EPHA5: variants seen among roughly 807,000 people sequenced by gnomAD.
The protein encoded by EPHA5 is ephrin type-A receptor 5.
In EPHA5, 60 loss-of-function variants were observed where a neutral mutation model predicts 105.0. That is an observed-to-expected ratio of 0.57 (90% CI 0.46 to 0.71). The LOEUF is 0.71. Ranked by LOEUF, EPHA5 falls within the 30% of genes least tolerant of loss-of-function variation. The pLI, the probability that EPHA5 is intolerant of heterozygous loss-of-function variation, is 0.00. For synonymous variants in EPHA5, 513 were observed against 449.1 expected, an observed-to-expected ratio of 1.14 and a Z score of -1.80; for missense variants, 1,218 against 1,274.7, an observed-to-expected ratio of 0.96 and a Z score of 0.68.
chr4:65,660,416 G>A (rs1481840723), intron 1 of EPHA5, among the ~76,000 whole-genome samples: 1 of 152,086 alleles, frequency 6.6e-6, no homozygotes, highest in Non-Finnish European at 1.5e-5. Flanking sequence ...TGTTTTCCAA[G>A]CCTAGATTCC....
In EPHA5 at chr4:65,487,492, C is replaced by T. The variant is rs779760397; in HGVS notation, c.1402+2885G>A. 3.9e-5 allele frequency among the ~76,000 whole-genome samples: 6 copies of T among 152,252 alleles called. No individual in the cohort carries two copies. The South Asian group carries it at 8.3e-4, about 21-fold the overall frequency. On this transcript the variant is annotated intron_variant, in intron 5 of 16. Transcript: ENST00000613740. ...AGAATCCACAGGATTCCTAACCTCC[C>T]CAATGGCTCCCATGGCTAACATTAT...
chr4:65,632,940 A>C (rs1042715639), intron 2 of EPHA5, among the ~76,000 whole-genome samples: 1 of 152,006 alleles, frequency 6.6e-6, no homozygotes, highest in African/African-American at 2.4e-5. Context: ...CAGAAGTAGA[A>C]ATTTATATGA....
At chr4:65,641,234 TAG>T (rs1747635456) in intron 2 of EPHA5, among the ~76,000 whole-genome samples, 2 of 152,104 alleles carry the variant, frequency 1.3e-5, no homozygotes, top group South Asian at 2.1e-4. Context: ...ACCTCAGAGC[TAG>T]AGAGGCAGAA....
Position 65,669,732 on chromosome 4 carries a change from G to C in EPHA5, c.11C>G (p.Ser4Trp), listed in dbSNP as rs1750301372. 2 of 1,262,886 alleles carry C rather than the reference G, an allele frequency of 1.6e-6. No homozygotes were observed. Among genetic ancestry groups the C allele is most frequent in the Admixed American group, 8.3e-5 (2 of 24,142 alleles). The allele number at this position is 1,262,886 out of a possible 1,614,324, so 78.2% of individuals were successfully genotyped here. Residue 4 changes from serine (S) to tryptophan (W), a missense_variant, in exon 1 of 17, where the codon TCG (serine) becomes TGG (tryptophan). Physicochemically the swap from Ser to Trp is radical, Grantham distance 177 (BLOSUM62 -3). Transcript: ENST00000613740. MRG[S>W]GPRGAGRRRP... ...CCGGCGTCCCGCACCCCGGGGCCCC[G>C]AGCCCCGCATCTTCTCCGAGCCTCC...
chr4:65,648,736 G>A (rs766325909), intron 1 of EPHA5, among the ~76,000 whole-genome samples: 71 of 152,134 alleles, frequency 4.7e-4, no homozygotes, highest in Non-Finnish European at 8.2e-4. Context: ...AACAATATCA[G>A]AAAAGCTACT....
At chr4:65,527,989 G>T (rs1023426668) in intron 3 of EPHA5, among the ~76,000 whole-genome samples, 1 of 151,816 alleles carries the variant, frequency 6.6e-6, no homozygotes, top group Non-Finnish European at 1.5e-5. Context: ...TAAACATTTT[G>T]GTTAAATAAA....
Position 65,420,472 on chromosome 4 carries a change from A to G in EPHA5, c.1496T>C (p.Ile499Thr), listed in dbSNP as rs1406144425. ...WQEPDRPNGIILEYEIKYFEK... is the reference protein window; with the variant it reads ...WQEPDRPNGITLEYEIKYFEK... ...AAAATACTTGATTTCATACTCTAGG[A>G]TGATTCCATTGGGACGATCTGGTTC... The change falls in exon 6 of 17, where the codon ATC becomes ACC. Residue 499 changes from isoleucine to threonine, a missense_variant. Around this residue, in one of 3 missense-constraint regions of EPHA5, gnomAD observed 971 missense variants for 1,013.5 expected, o/e 0.96. Coordinates refer to ENST00000613740, the MANE Select transcript of EPHA5 (RefSeq NM_001281766.3). The G allele has an allele frequency of 2.5e-6, 4 of 1,611,168 alleles. No homozygotes were observed. The highest frequency in any genetic ancestry group is 2.5e-6 in the Non-Finnish European group (3 of 1,178,670).
At chr4:65,516,286 C>A (rs1270849601) in intron 3 of EPHA5, among the ~76,000 whole-genome samples, 1 of 152,094 alleles carries the variant, frequency 6.6e-6, no homozygotes, top group African/African-American at 2.4e-5. Context: ...ATACTCGATT[C>A]TTACAGTAGC....
At chr4:65,394,358 G>T (rs1384209167) in intron 8 of EPHA5, among the ~76,000 whole-genome samples, 1 of 152,156 alleles carries the variant, frequency 6.6e-6, no homozygotes, top group East Asian at 1.9e-4. Flanking sequence ...ATCCTAAAGA[G>T]CAAAGGCCCT....
At chr4:65,430,142 C>G (rs1467355907) in intron 5 of EPHA5, among the ~76,000 whole-genome samples, 1 of 151,972 alleles carries the variant, frequency 6.6e-6, no homozygotes, top group Non-Finnish European at 1.5e-5. Context: ...TGGGAAATAT[C>G]TGCTGCTCAA....
At chr4:65,536,075 G>A (rs1736253364) in intron 3 of EPHA5, among the ~76,000 whole-genome samples, 1 of 151,870 alleles carries the variant, frequency 6.6e-6, no homozygotes, top group African/African-American at 2.4e-5. Flanking sequence ...TTACCTTCAT[G>A]TTTTTAACAT....
At chr4:65,363,239 A>C (rs1013331940) in intron 11 of EPHA5, among the ~76,000 whole-genome samples, 3 of 151,616 alleles carry the variant, frequency 2.0e-5, no homozygotes, top group African/African-American at 7.3e-5. Context: ...ATAAGTACTT[A>C]CTTTGTGCCT....
intron 3 of EPHA5, among the ~76,000 whole-genome samples, chr4:65,559,868 T>C (rs770155599): frequency 6.6e-6 from 1 of 152,280 alleles, no homozygotes; most frequent in East Asian, 1.9e-4. Flanking sequence ...GAATAAAATG[T>C]CTCGATTACT....
intron 2 of EPHA5, among the ~76,000 whole-genome samples, chr4:65,605,426 A>G (rs1007017389): frequency 6.6e-6 from 1 of 152,054 alleles, no homozygotes; most frequent in Non-Finnish European, 1.5e-5. Context: ...CCTTGTTGGC[A>G]TTGCTCTCCT....
chr4:65,393,819 T>C (rs1457758114), intron 8 of EPHA5, among the ~76,000 whole-genome samples: 2 of 152,124 alleles, frequency 1.3e-5, no homozygotes, highest in African/African-American at 4.8e-5. Context: ...GACAACAACA[T>C]ATAGTGATAA....
chr4:65,638,155 T>C (rs760003656), intron 2 of EPHA5, among the ~76,000 whole-genome samples: 3 of 152,210 alleles, frequency 2.0e-5, no homozygotes, highest in Non-Finnish European at 4.4e-5. Context: ...GTACTTTTAA[T>C]TGAATATTCA....
chr4:65,659,986 A>G (rs1435907569), intron 1 of EPHA5, among the ~76,000 whole-genome samples: 1 of 152,128 alleles, frequency 6.6e-6, no homozygotes, highest in Non-Finnish European at 1.5e-5. Context: ...AATTCTTCCA[A>G]CTGTCCACTT....
intron 3 of EPHA5, among the ~76,000 whole-genome samples, chr4:65,500,586 G>A (rs1359690408): frequency 5.4e-5 from 8 of 147,056 alleles, no homozygotes; most frequent in Non-Finnish European, 7.5e-5. Context: ...TCGATTTTTC[G>A]CCATATTTTC....
chr4:65,401,908 A>T (rs34003930), intron 8 of EPHA5, among the ~76,000 whole-genome samples: 41,823 of 121,700 alleles, frequency 0.34, 6,598 homozygotes, highest in African/African-American at 0.53. Context: ...TGTGTGTGAG[A>T]GAGAGAGAGA....
Sources: allele counts gnomAD v4.1 joint callset (sites outside exome capture counted in the v4.1 genomes callset), GRCh38; gene constraint gnomAD v4.1.1; regional missense constraint gnomAD v4.1.1; transcripts MANE v1.5; gene names NCBI Gene and HGNC (gene_info 2026-07-23, HGNC 2026-07-21).